TRPC3: variants seen among roughly 807,000 people sequenced by gnomAD.
The protein encoded by TRPC3 is transient receptor potential cation channel subfamily C member 3.
Under a neutral mutation model 90.9 loss-of-function variants are expected in TRPC3, and 54 were observed. That is an observed-to-expected ratio of 0.59 (90% CI 0.48 to 0.75). The LOEUF is 0.75. Among genes scored for constraint, TRPC3 ranks in the 30% least tolerant of loss-of-function variants. TRPC3 has a pLI of 0.00. For synonymous variants in TRPC3, 424 were observed against 450.9 expected (o/e 0.94, Z 0.75); for missense variants, 918 against 1,194.5 (o/e 0.77, Z 3.41).
rs200580955 is a variant in TRPC3, at chr4:121,932,727, G to T, written c.531C>A (p.Asp177Glu). The change falls in exon 2 of 12, where the codon GAC becomes GAA. Residue 177 changes from aspartate to glutamate, a missense_variant. By Grantham distance (45) the Asp-to-Glu change is conservative. This residue lies in a region of TRPC3 where 609 missense variants were observed against 725.9 expected (regional missense o/e 0.84). Coordinates refer to ENST00000379645, the MANE Select transcript of TRPC3 (RefSeq NM_001130698.2). The surrounding 1 kb of genome is among the most constrained non-coding windows in gnomAD (Gnocchi z 7.7). ...LKKENLARIG[D>E]ALLLAISKGY... Reference sequence around the variant, plus strand: ...CCTTGCTGATGGCGAGCAGCAGGGCGTCGCCAATGCGCGCCAGGTTCTCCT... The same window carrying T: ...CCTTGCTGATGGCGAGCAGCAGGGCTTCGCCAATGCGCGCCAGGTTCTCCT... The T allele has an allele frequency of 9.9e-6, 16 of 1,613,810 alleles. No individual in the cohort carries two copies. Among genetic ancestry groups the T allele is most frequent in the Non-Finnish European group, 1.4e-5 (16 of 1,179,896 alleles).
At chr4:121,901,388 G>A (rs1414123299) in intron 9 of TRPC3, among the ~76,000 whole-genome samples, 2 of 152,170 alleles carry the variant, frequency 1.3e-5, no homozygotes, top group African/African-American at 4.8e-5. Context: ...CTCAGGTGCT[G>A]AACATGAGGC....
intron 2 of TRPC3, among the ~76,000 whole-genome samples, chr4:121,928,432 T>C (rs1316806094): frequency 6.6e-6 from 1 of 152,214 alleles, no homozygotes; most frequent in Non-Finnish European, 1.5e-5. Context: ...GTGGGAAAGA[T>C]GGAGAACTCC....
At chr4:121,885,962 G>C (rs1164636522) in intron 10 of TRPC3, among the ~76,000 whole-genome samples, 1 of 152,140 alleles carries the variant, frequency 6.6e-6, no homozygotes, top group Non-Finnish European at 1.5e-5. Flanking sequence ...TCTCTGTCCA[G>C]GGTATGGAAA....
intron 7 of TRPC3, among the ~76,000 whole-genome samples, chr4:121,904,889 C>G (rs536209802): frequency 1.3e-5 from 2 of 152,228 alleles, no homozygotes; most frequent in South Asian, 4.2e-4. Context: ...TGTAGTAGAA[C>G]AGGGTTGGGA....
rs963658902 is a variant in TRPC3 at position 121,877,505 on chromosome 4, T to A, written c.*2231A>T. Among the ~76,000 whole-genome samples the A allele has an allele frequency of 6.6e-6, 1 of 152,094 alleles. No individual in the cohort carries two copies. The highest frequency in any genetic ancestry group is 2.4e-5 in the African/African-American group (1 of 41,394). On this transcript the variant is annotated 3_prime_UTR_variant, in exon 12 of 12. Coordinates refer to ENST00000379645, the MANE Select transcript of TRPC3 (RefSeq NM_001130698.2). ...ACATCCCGAGCAAGGCTTCTTCTTT[T>A]TAGCTGAGGGCAATTCTCCAGGGGA...
At chr4:121,907,187 T>C in intron 7 of TRPC3, 116 bp downstream of exon 7, 1 of 1,009,254 alleles carries the variant, frequency 9.9e-7, no homozygotes, top group African/African-American at 1.6e-5. Flanking sequence ...TTTTGATGGA[T>C]TATTTTCTGT....
chr4:121,910,385 T>C lies in TRPC3; in HGVS notation c.1561A>G (p.Met521Val). ...AGCTCTTTACATTCAGACCACATCA[T>C]TCCTGTCACAACAAATACAGAGGGT... is the stretch of plus-strand genomic sequence containing the variant. ...EMLIMVWVLG[M>V]MWSECKELWL... Residue 521 changes from methionine to valine, a missense_variant and splice_region_variant, in exon 6 of 12, where the codon ATG (methionine) becomes GTG (valine). Met to Val is a conservative substitution (Grantham distance 21). Coordinates refer to ENST00000379645, the MANE Select transcript of TRPC3 (RefSeq NM_001130698.2). The C allele has an allele frequency of 6.2e-7, 1 of 1,612,980 alleles. No individual in the cohort carries two copies. The highest frequency in any genetic ancestry group is 2.2e-5 in the East Asian group (1 of 44,868).
chr4:121,933,821 A>T (rs571754012), intron 1 of TRPC3, among the ~76,000 whole-genome samples: 2 of 152,182 alleles, frequency 1.3e-5, no homozygotes, highest in African/African-American at 4.8e-5. Flanking sequence ...CCCATCCCCA[A>T]GTTATAGGAT....
chr4:121,880,208 C>T lies in TRPC3; in HGVS notation c.2624-330G>A, dbSNP rs113483234. 4.9e-4 allele frequency among the ~76,000 whole-genome samples: 75 copies of T among 152,238 alleles called. 2 individuals carry two copies. The highest frequency in any genetic ancestry group is 8.8e-4 in the Non-Finnish European group (60 of 67,990). On this transcript the variant is annotated intron_variant, in intron 11 of 11. Transcript: ENST00000379645. ...ATCTCCTTTCTGACTACAAGGGAGT[C>T]CCTTTGTTTCTTTCAAGTGTAAAGG...
chr4:121,925,314 T>C (rs1390073325), intron 2 of TRPC3, 108 bp from the exon 3 acceptor site: 2 of 1,204,130 alleles, frequency 1.7e-6, no homozygotes, highest in African/African-American at 1.5e-5. Context: ...GGTAGAAAGC[T>C]GCAGCCCACC....
intron 4 of TRPC3, 102 bp downstream of exon 4, chr4:121,914,678 G>T: frequency 8.2e-7 from 1 of 1,213,130 alleles, no homozygotes; most frequent in Admixed American, 2.5e-5. Flanking sequence ...TTAACATTCA[G>T]GGTAAAACTG....
chr4:121,927,184 C>T (rs1036385323), intron 2 of TRPC3, among the ~76,000 whole-genome samples: 1 of 152,196 alleles, frequency 6.6e-6, no homozygotes, highest in African/African-American at 2.4e-5. Flanking sequence ...CTGGAACTAA[C>T]ACATTGCTAA....
At chr4:121,936,085 T>C (rs567807152) in intron 1 of TRPC3, among the ~76,000 whole-genome samples, 2 of 152,356 alleles carry the variant, frequency 1.3e-5, no homozygotes, top group East Asian at 1.9e-4. Context: ...GAACAAATTA[T>C]ACTGTTGTTT....
chr4:121,911,791 A>G (rs1316632606), intron 5 of TRPC3, 86 bp downstream of exon 5: 5 of 1,317,780 alleles, frequency 3.8e-6, no homozygotes, highest in Non-Finnish European at 4.2e-6. Context: ...ATAAGATATA[A>G]TAACATTTTT....
At chr4:121,892,609 G>A (rs897786171) in intron 10 of TRPC3, among the ~76,000 whole-genome samples, 1 of 152,132 alleles carries the variant, frequency 6.6e-6, no homozygotes, top group African/African-American at 2.4e-5. Flanking sequence ...TTAAAGGTTT[G>A]TATGTGGTGG....
At chr4:121,895,848 C>G (rs28804491) in intron 10 of TRPC3, among the ~76,000 whole-genome samples, 382 of 152,108 alleles carry the variant, frequency 2.5e-3, no homozygotes, top group African/African-American at 7.7e-3. Flanking sequence ...CTTTATGAGA[C>G]CAGTATAACC....
At position 121,951,560 on chromosome 4, in the gene TRPC3, T is replaced by C. The variant is rs757957105; in HGVS notation, c.121A>G (p.Arg41Gly). The C allele has an allele frequency of 6.9e-7, 1 of 1,444,624 alleles. No individual in the cohort carries two copies. The highest frequency in any genetic ancestry group is 9.1e-7 in the Non-Finnish European group (1 of 1,095,192). 89.5% of individuals were successfully genotyped at this position (1,444,624 alleles called of 1,614,324 possible). A position where few individuals can be genotyped will look rare whatever the true frequency, so the allele number is the denominator to read the frequency against. ...AEPQRRRRGWRGVNGGLEPRS... is the reference protein window; with the variant it reads ...AEPQRRRRGWGGVNGGLEPRS... ...GGCTCCAGCCCCCCGTTGACGCCCCTCCAGCCCCGGCGGCGGCGCTGCGGC... is the reference window on the plus strand; with the variant it reads ...GGCTCCAGCCCCCCGTTGACGCCCCCCCAGCCCCGGCGGCGGCGCTGCGGC... The change falls in exon 1 of 12, where the codon AGG (arginine) becomes GGG (glycine). Residue 41 changes from arginine (R) to glycine (G), a missense_variant. By Grantham distance (125) the Arg-to-Gly change is moderately radical. Transcript: ENST00000379645. This position sits in a 1 kb window ranked among gnomAD's most constrained non-coding sequence, Gnocchi z 4.4.
intron 10 of TRPC3, among the ~76,000 whole-genome samples, chr4:121,889,085 T>G (rs1415589347): frequency 6.6e-6 from 1 of 152,302 alleles, no homozygotes; most frequent in South Asian, 2.1e-4. Flanking sequence ...CTGGGAAAAC[T>G]GGACATCCAC....
At chr4:121,882,952 T>C in intron 10 of TRPC3, among the ~76,000 whole-genome samples, 1 of 152,102 alleles carries the variant, frequency 6.6e-6, no homozygotes, top group East Asian at 1.9e-4. Context: ...GTATATATAC[T>C]AATTACTGTA....
Sources: allele counts gnomAD v4.1 joint callset (sites outside exome capture counted in the v4.1 genomes callset), GRCh38; gene constraint gnomAD v4.1.1; regional missense constraint gnomAD v4.1.1; non-coding constraint Gnocchi (gnomAD v3.1); transcripts MANE v1.5; gene names NCBI Gene and HGNC (gene_info 2026-07-23, HGNC 2026-07-21).